Variants in HMGXB4 observed in about 807,000 individuals in gnomAD.
HMGXB4 encodes HMG domain-containing protein 4.
In HMGXB4, 27 loss-of-function variants were observed where a neutral mutation model predicts 63.9. The observed-to-expected ratio is 0.42, with a 90% CI of 0.31 to 0.58. The LOEUF is 0.58. Ranked by LOEUF, HMGXB4 falls within the 20% of genes least tolerant of loss-of-function variation. The pLI is 0.13. For synonymous variants in HMGXB4, 264 were observed against 265.3 expected, an observed-to-expected ratio of 0.99 and a Z score of 0.05; for missense variants, 624 against 700.7, an observed-to-expected ratio of 0.89 and a Z score of 1.24.
upstream of HMGXB4, among the ~76,000 whole-genome samples, chr22:35,252,860 G>T (rs1922245215): frequency 6.6e-6 from 1 of 152,188 alleles, no homozygotes; most frequent in African/African-American, 2.4e-5. Context: ...AAATTAGCTG[G>T]GCATGATGGC....
upstream of HMGXB4, among the ~76,000 whole-genome samples, chr22:35,253,627 G>A (rs536158825): frequency 6.6e-6 from 1 of 152,242 alleles, no homozygotes; most frequent in Admixed American, 6.5e-5. Flanking sequence ...GTGTGTGTGT[G>A]TGTATGTGTG....
At chr22:35,269,769 C>A (rs1923487804) in intron 5 of HMGXB4, among the ~76,000 whole-genome samples, 1 of 152,138 alleles carries the variant, frequency 6.6e-6, no homozygotes, top group Admixed American at 6.5e-5. Flanking sequence ...TAATGAAAAT[C>A]TAAGAGACAG....
At chr22:35,283,109 C>T (rs1286722799) in intron 5 of HMGXB4, among the ~76,000 whole-genome samples, 1 of 152,196 alleles carries the variant, frequency 6.6e-6, no homozygotes, top group Non-Finnish European at 1.5e-5. Flanking sequence ...GAATTGTCTT[C>T]AGTTATTTGT....
intron 8 of HMGXB4, 97 bp from the exon 9 acceptor site, chr22:35,288,141 G>C (rs1361581331): frequency 9.4e-7 from 1 of 1,061,522 alleles, no homozygotes; most frequent in African/African-American, 1.6e-5. Context: ...CTAATGCCTG[G>C]TATAATTCAT....
At chr22:35,280,529 A>G (rs1924182517) in intron 5 of HMGXB4, among the ~76,000 whole-genome samples, 1 of 152,098 alleles carries the variant, frequency 6.6e-6, no homozygotes, top group Non-Finnish European at 1.5e-5. Context: ...ATCATCATTC[A>G]TCCCTTCCCC....
chr22:35,285,255 T>TA (rs1924495458), intron 6 of HMGXB4, among the ~76,000 whole-genome samples: 1 of 152,026 alleles, frequency 6.6e-6, no homozygotes, highest in African/African-American at 2.4e-5. Context: ...ATAATAATTT[T>TA]AAAAAATAGC....
At chr22:35,270,144 A>G (rs1459625381) in intron 5 of HMGXB4, among the ~76,000 whole-genome samples, 1 of 152,206 alleles carries the variant, frequency 6.6e-6, no homozygotes. Context: ...AACCAGCCAC[A>G]TAGCAGGAGT....
intron 9 of HMGXB4, among the ~76,000 whole-genome samples, chr22:35,289,471 CAAAA>C (rs1293736291): frequency 1.3e-5 from 2 of 151,802 alleles, no homozygotes; most frequent in Non-Finnish European, 2.9e-5. Flanking sequence ...TTTAAAAAAA[CAAAA>C]ACAAAAAGGC....
In HMGXB4 at chr22:35,294,466, C is replaced by A. The variant is rs182351704; in HGVS notation, c.*815C>A. On this transcript the variant is annotated 3_prime_UTR_variant, in exon 11 of 11. Coordinates refer to ENST00000216106, the MANE Select transcript of HMGXB4 (RefSeq NM_001003681.3). ...CATGAAGTTAGCCACCAAGTCCTCA[C>A]AAGCCGTGCTGCTTAGTTGCTCGGT... 20 of 152,742 alleles carry A rather than the reference C, an allele frequency of 1.3e-4. No homozygotes were observed. In the East Asian group the frequency reaches 3.7e-3, roughly 28 times the overall value. The allele number at this position is 152,742 out of a possible 1,614,324, so 9.5% of individuals were successfully genotyped here.
the HMGXB4 span, among the ~76,000 whole-genome samples, chr22:35,251,710 T>C: frequency 2.0e-5 from 3 of 152,170 alleles, no homozygotes; most frequent in African/African-American, 7.2e-5. Flanking sequence ...TTAAACAGTT[T>C]TATTGAGGTA....
intron 5 of HMGXB4, among the ~76,000 whole-genome samples, chr22:35,282,319 G>C (rs1428749828): frequency 6.6e-6 from 1 of 152,142 alleles, no homozygotes; most frequent in Non-Finnish European, 1.5e-5. Flanking sequence ...TGGGACTACA[G>C]GCGCCCACCA....
intron 5 of HMGXB4, among the ~76,000 whole-genome samples, chr22:35,265,994 G>A (rs1037960835): frequency 7.2e-6 from 1 of 138,752 alleles, no homozygotes; most frequent in Non-Finnish European, 1.6e-5. Context: ...TCACCATGTT[G>A]GCCAGGCTGG....
intron 5 of HMGXB4, among the ~76,000 whole-genome samples, chr22:35,269,806 A>G (rs1400114104): frequency 1.3e-5 from 2 of 152,120 alleles, no homozygotes; most frequent in African/African-American, 4.8e-5. Flanking sequence ...CAAGAGTTCA[A>G]GGCTGGCCTG....
chr22:35,255,133 C>T (rs977252644), upstream of HMGXB4, among the ~76,000 whole-genome samples: 1 of 152,144 alleles, frequency 6.6e-6, no homozygotes, highest in Non-Finnish European at 1.5e-5. Flanking sequence ...TGCTTTTTGT[C>T]TGGACACATG....
At chr22:35,284,104 TTAA>T (rs1301451801) in intron 6 of HMGXB4, 61 bp downstream of exon 6, 24 of 1,076,618 alleles carry the variant, frequency 2.2e-5, no homozygotes, top group Non-Finnish European at 3.3e-5. Context: ...AGCAGTGCGA[TTAA>T]TTTCTTCTTC....
chr22:35,278,138 A>C (rs1177834647), intron 5 of HMGXB4, among the ~76,000 whole-genome samples: 1 of 152,146 alleles, frequency 6.6e-6, no homozygotes, highest in Non-Finnish European at 1.5e-5. Context: ...GCACTTAGTA[A>C]TATGTCCTTA....
At chr22:35,255,947 G>A (rs141023397), upstream of HMGXB4, among the ~76,000 whole-genome samples, 1,383 of 152,316 alleles carry the variant, frequency 9.1e-3, 11 homozygotes, top group Non-Finnish European at 0.014. Context: ...TGGGAGCTGC[G>A]GAGAAAAAGG....
chr22:35,291,875 C>T (rs1924951856), intron 9 of HMGXB4, among the ~76,000 whole-genome samples: 1 of 152,160 alleles, frequency 6.6e-6, no homozygotes, highest in Non-Finnish European at 1.5e-5. Flanking sequence ...TTCTTAACCT[C>T]TTACTGTACT....
intron 4 of HMGXB4, 109 bp from the exon 5 acceptor site, chr22:35,264,539 A>G: frequency 1.3e-6 from 1 of 752,604 alleles, no homozygotes; most frequent in Non-Finnish European, 2.2e-6. Context: ...CCTTCAAATC[A>G]TTCCTGTTAG....
Sources: gnomAD v4.1 joint callset for allele counts (sites outside exome capture counted in the v4.1 genomes callset) on GRCh38, gnomAD v4.1.1 for gene constraint, MANE v1.5 for transcripts, NCBI Gene and HGNC (gene_info 2026-07-23, HGNC 2026-07-21) for gene names.